The following TTLL7 variants were observed in gnomAD, a reference collection of about 807,000 sequenced individuals.
TTLL7 encodes the protein tubulin tyrosine ligase like 7, also known as tubulin polyglutamylase TTLL7.
A neutral mutation model predicts 120.2 loss-of-function variants in TTLL7; 53 were observed. That is an observed-to-expected ratio of 0.44 (90% CI 0.35 to 0.55). The LOEUF is 0.55. TTLL7 is among the 20% of genes least tolerant of loss of function. The pLI, the probability that TTLL7 is intolerant of heterozygous loss-of-function variation, is 0.00. For synonymous variants in TTLL7, 353 were observed against 351.7 expected, an observed-to-expected ratio of 1.00 and a Z score of -0.04; for missense variants, 803 against 1,054.7, an observed-to-expected ratio of 0.76 and a Z score of 3.31.
At chr1:83,927,040 T>C (rs763994469) in intron 10 of TTLL7, among the ~76,000 whole-genome samples, 1 of 151,966 alleles carries the variant, frequency 6.6e-6, no homozygotes, top group South Asian at 2.1e-4. Context: ...TTGCATTCTG[T>C]CATCCAAGTA....
In TTLL7 at chr1:83,951,888, C is replaced by G. The variant is rs1356336921; in HGVS notation, c.114G>C (p.Lys38Asn). 1 of 1,613,298 alleles carries G rather than the reference C, an allele frequency of 6.2e-7. No homozygotes were observed. Residue 38 changes from lysine to asparagine, a missense_variant, in exon 3 of 21, where the codon AAG becomes AAC. This residue lies in a region of TTLL7 where 91 missense variants were observed against 96.6 expected (regional missense o/e 0.94). Coordinates refer to ENST00000260505, the MANE Select transcript of TTLL7 (RefSeq NM_024686.6). ...CGGCAACATTTGCTGTAATGGTTCC[C>G]TTCTTTTTCTTCTTTCTGACTTTCC... ...MKRKVRKKKKKGTITANVAGT... is the reference protein window; with the variant it reads ...MKRKVRKKKKNGTITANVAGT...
At chr1:83,931,005 T>G (rs1269818405) in intron 9 of TTLL7, among the ~76,000 whole-genome samples, 4 of 151,164 alleles carry the variant, frequency 2.6e-5, no homozygotes, top group Admixed American at 6.6e-5. Context: ...TGTTCTTGTT[T>G]TTTTTTTTTT....
intron 1 of TTLL7, among the ~76,000 whole-genome samples, chr1:83,956,723 C>T (rs964064939): frequency 6.6e-6 from 1 of 152,192 alleles, no homozygotes; most frequent in Non-Finnish European, 1.5e-5. Context: ...AGCCACTGTG[C>T]CCAGCCCTAA....
At chr1:83,885,987 T>C (rs1418779677) in intron 19 of TTLL7, among the ~76,000 whole-genome samples, 2 of 152,052 alleles carry the variant, frequency 1.3e-5, no homozygotes, top group South Asian at 2.1e-4. Context: ...ATTAAAAAGT[T>C]CTTTCTGGCT....
intron 20 of TTLL7, among the ~76,000 whole-genome samples, chr1:83,880,545 G>A (rs972354290): frequency 5.3e-5 from 8 of 151,982 alleles, no homozygotes; most frequent in African/African-American, 1.2e-4. Context: ...AAGAAAATCC[G>A]AGCTATCGTG....
At chr1:83,940,529 T>C (rs1282894583) in intron 7 of TTLL7, among the ~76,000 whole-genome samples, 1 of 152,132 alleles carries the variant, frequency 6.6e-6, no homozygotes, top group Non-Finnish European at 1.5e-5. Flanking sequence ...CTTATCACAA[T>C]GAGTAATACA....
chr1:83,919,373 A>G (rs561972632), intron 13 of TTLL7, among the ~76,000 whole-genome samples: 1 of 152,224 alleles, frequency 6.6e-6, no homozygotes, highest in Non-Finnish European at 1.5e-5. Context: ...AATCCAAAAA[A>G]TAAAAACGCT....
chr1:83,926,310 T>TTATG (rs1399704754), intron 10 of TTLL7, among the ~76,000 whole-genome samples: 1 of 152,114 alleles, frequency 6.6e-6, no homozygotes, highest in Admixed American at 6.6e-5. Flanking sequence ...ATTCATTTAT[T>TTATG]TATTTACTTG....
intron 14 of TTLL7, among the ~76,000 whole-genome samples, chr1:83,913,953 T>C (rs915007623): frequency 2.0e-5 from 3 of 152,228 alleles, no homozygotes; most frequent in African/African-American, 2.4e-5. Flanking sequence ...GTTTGCTGAA[T>C]AGCAATAATT....
intron 1 of TTLL7, among the ~76,000 whole-genome samples, chr1:83,970,999 G>A (rs950013699): frequency 2.0e-4 from 30 of 151,980 alleles, no homozygotes; most frequent in Non-Finnish European, 2.6e-4. Context: ...CTGCTCTTCT[G>A]GGAGGGGGAA....
chr1:83,947,180 T>C lies in TTLL7; in HGVS notation c.450A>G (p.Lys150=). The stretch of plus-strand genomic sequence containing the variant: ...CTATAAAAGTTTTCTGCTTCCGTTT[T>C]TTCTTCAATTCTTTCACATAATTTT... ...QFQNYVKELK[K]KRKQKTFIVK... is the part of the protein sequence containing the mutation. The change falls in exon 6 of 21, where the codon AAA becomes AAG. Residue 150 remains lysine (K), a synonymous_variant. Coordinates refer to ENST00000260505, the MANE Select transcript of TTLL7 (RefSeq NM_024686.6). 1.2e-6 allele frequency: 2 copies of C among 1,613,546 alleles called. No homozygotes were observed. The highest frequency in any genetic ancestry group is 1.7e-6 in the Non-Finnish European group (2 of 1,179,776).
At chr1:83,989,854 G>A (rs1652819727) in intron 1 of TTLL7, among the ~76,000 whole-genome samples, 1 of 152,056 alleles carries the variant, frequency 6.6e-6, no homozygotes, top group South Asian at 2.1e-4. Flanking sequence ...GCAGTGTCTT[G>A]TAGCTGTCCT....
chr1:83,874,916 A>G (rs1164973757), intron 20 of TTLL7, among the ~76,000 whole-genome samples: 1 of 152,026 alleles, frequency 6.6e-6, no homozygotes, highest in East Asian at 1.9e-4. Context: ...ACTGGCCTCA[A>G]TAACAAGAAT....
At chr1:83,924,141 G>T (rs1208770561) in intron 10 of TTLL7, among the ~76,000 whole-genome samples, 3 of 152,076 alleles carry the variant, frequency 2.0e-5, no homozygotes, top group African/African-American at 7.2e-5. Flanking sequence ...ACCAGACAGG[G>T]CCATTACCCT....
chr1:83,920,755 G>T (rs1372376186), intron 12 of TTLL7: 2 of 235,696 alleles, frequency 8.5e-6, no homozygotes, highest in Non-Finnish European at 1.7e-5. Flanking sequence ...TCCTGAAAAA[G>T]TACAGTAACC....
Position 83,911,018 on chromosome 1 carries a change from G to C in TTLL7, c.1786+147C>G, listed in dbSNP as rs183066592. On this transcript the variant is annotated intron_variant, in intron 15 of 20. Transcript: ENST00000260505. ...AAGGGCTTAATTAAGGGATGTGCCC[G>C]AGTCTGGTTAGGGAAGGAAGTGGGA... is the stretch of plus-strand genomic sequence containing the variant. The C allele has an allele frequency of 1.3e-3, 861 of 642,478 alleles. 3 individuals carry two copies. The highest frequency in any genetic ancestry group is 4.5e-3 in the Admixed American group (153 of 33,888). The allele number at this position is 642,478 out of a possible 1,614,324, so 39.8% of individuals were successfully genotyped here. A position where few individuals can be genotyped will look rare whatever the true frequency, so the allele number is the denominator to read the frequency against.
chr1:83,884,868 T>TATA (rs1654850864), intron 19 of TTLL7, among the ~76,000 whole-genome samples: 1 of 151,732 alleles, frequency 6.6e-6, no homozygotes, highest in Admixed American at 6.6e-5. Flanking sequence ...AAACTTAAAG[T>TATA]ATAATAATAA....
intron 17 of TTLL7, among the ~76,000 whole-genome samples, 173 bp from the exon 18 acceptor site, chr1:83,904,332 T>C (rs1557599382): frequency 6.6e-6 from 1 of 152,126 alleles, no homozygotes; most frequent in Non-Finnish European, 1.5e-5. Context: ...TCCAAAGCTT[T>C]CTATTCTAGT....
chr1:83,910,060 AC>A (rs1657544349), intron 15 of TTLL7, among the ~76,000 whole-genome samples: 1 of 152,174 alleles, frequency 6.6e-6, no homozygotes, highest in African/African-American at 2.4e-5. Flanking sequence ...GGAACACAAT[AC>A]ATTAATTCCC....
Sources: allele counts gnomAD v4.1 joint callset (sites outside exome capture counted in the v4.1 genomes callset), GRCh38; gene constraint gnomAD v4.1.1; regional missense constraint gnomAD v4.1.1; transcripts MANE v1.5; gene names NCBI Gene and HGNC (gene_info 2026-07-23, HGNC 2026-07-21).